The following CABCOCO1 variants were observed in gnomAD, a reference collection of about 807,000 sequenced individuals.
CABCOCO1 encodes ciliary associated calcium binding coiled-coil 1.
In CABCOCO1, 28 loss-of-function variants were observed where a neutral mutation model predicts 35.7. The ratio of observed to expected loss-of-function variants is 0.78; its 90% CI spans 0.58 to 1.07. The LOEUF (loss-of-function observed/expected upper bound fraction) is 1.07. CABCOCO1 is among the 50% of genes least tolerant of loss of function. CABCOCO1 has a pLI of 0.00. For missense variants in CABCOCO1, 326 were observed against 309.2 expected, an observed-to-expected ratio of 1.05 and a Z score of -0.41; for synonymous variants, 95 against 100.1, an observed-to-expected ratio of 0.95 and a Z score of 0.30.
chr10:61,760,740 T>C, intron 6 of CABCOCO1, 123 bp from the exon 7 acceptor site: 1 of 1,116,794 alleles, frequency 9.0e-7, no homozygotes, highest in Non-Finnish European at 1.2e-6. Flanking sequence ...CTACACACTT[T>C]GCACTTGTAT....
intron 5 of CABCOCO1, among the ~76,000 whole-genome samples, chr10:61,759,790 A>G (rs989767214): frequency 6.6e-6 from 1 of 152,050 alleles, no homozygotes; most frequent in Non-Finnish European, 1.5e-5. Context: ...GAAGCACAAA[A>G]CAGTTAAGAA....
intron 5 of CABCOCO1, chr10:61,701,770 ATGT>A: frequency 1.0e-6 from 1 of 985,038 alleles, no homozygotes; most frequent in Non-Finnish European, 1.2e-6. Flanking sequence ...TCAAATCAAA[ATGT>A]TGTCAAAGGA....
intron 5 of CABCOCO1, among the ~76,000 whole-genome samples, chr10:61,719,602 A>G (rs537224046): frequency 1.3e-5 from 2 of 152,144 alleles, no homozygotes; most frequent in African/African-American, 2.4e-5. Flanking sequence ...GCATCTTGTT[A>G]TGTTTGACCT....
chr10:61,693,484 G>GA (rs1313839643), intron 5 of CABCOCO1, among the ~76,000 whole-genome samples: 1 of 151,858 alleles, frequency 6.6e-6, no homozygotes, highest in Non-Finnish European at 1.5e-5. Context: ...GGATAGATGA[G>GA]AAAAAAACAT....
rs562271927 is a variant in CABCOCO1 at position 61,762,660 on chromosome 10, T to C, written c.816+1657T>C. On this transcript the variant is annotated intron_variant, in intron 7 of 7. Transcript: ENST00000648843. The stretch of plus-strand genomic sequence containing the variant: ...ACTCCATGTGAGTTAGGCAGGCACT[T>C]CCCCTGATAAATTGAAAAATGGGAC... Among the ~76,000 whole-genome samples, 4 of 152,198 alleles carry C rather than the reference T, an allele frequency of 2.6e-5. No individual in the cohort carries two copies. The South Asian group carries it at 8.3e-4, about 32-fold the overall frequency.
At chr10:61,737,496 C>T (rs1421831797) in intron 5 of CABCOCO1, among the ~76,000 whole-genome samples, 6 of 152,150 alleles carry the variant, frequency 3.9e-5, no homozygotes, top group Non-Finnish European at 7.3e-5. Flanking sequence ...CATAAAGACA[C>T]ATTCACGCGA....
At chr10:61,761,992 G>A (rs752457281) in intron 7 of CABCOCO1, among the ~76,000 whole-genome samples, 13 of 152,092 alleles carry the variant, frequency 8.5e-5, no homozygotes, top group Non-Finnish European at 1.0e-4. Flanking sequence ...GGAAGAACAC[G>A]TTTTACACAA....
chr10:61,664,815 G>A (rs934782352), intron 1 of CABCOCO1, among the ~76,000 whole-genome samples: 7 of 152,118 alleles, frequency 4.6e-5, no homozygotes, highest in Non-Finnish European at 4.4e-5. Flanking sequence ...ACCCATTTGT[G>A]CTGATTGGGG....
intron 5 of CABCOCO1, among the ~76,000 whole-genome samples, chr10:61,704,987 C>T (rs1314473584): frequency 6.6e-6 from 1 of 151,832 alleles, no homozygotes; most frequent in African/African-American, 2.4e-5. Context: ...ATAATAGGTG[C>T]TTAATAAATA....
intron 7 of CABCOCO1, among the ~76,000 whole-genome samples, chr10:61,763,186 CA>C (rs552221982): frequency 2.0e-5 from 3 of 150,572 alleles, no homozygotes; most frequent in South Asian, 4.2e-4. Flanking sequence ...ACAATTTTTG[CA>C]AAAAAAAGGC....
At chr10:61,743,139 AC>A (rs1405413965) in intron 5 of CABCOCO1, among the ~76,000 whole-genome samples, 1 of 152,194 alleles carries the variant, frequency 6.6e-6, no homozygotes, top group Non-Finnish European at 1.5e-5. Context: ...GTTACAAGCA[AC>A]CCTTTAATTA....
chr10:61,709,046 G>C (rs1840663064), intron 5 of CABCOCO1, among the ~76,000 whole-genome samples: 1 of 151,908 alleles, frequency 6.6e-6, no homozygotes, highest in Non-Finnish European at 1.5e-5. Flanking sequence ...TGCCTTTTAT[G>C]GTTAAAATGC....
intron 5 of CABCOCO1, among the ~76,000 whole-genome samples, chr10:61,744,560 G>A (rs927354228): frequency 6.6e-5 from 10 of 152,118 alleles, no homozygotes; most frequent in South Asian, 2.1e-4. Context: ...CATTAAACTT[G>A]TTTGAGCCAG....
At chr10:61,763,593 A>G (rs1009335138) in intron 7 of CABCOCO1, among the ~76,000 whole-genome samples, 6 of 152,184 alleles carry the variant, frequency 3.9e-5, no homozygotes, top group Non-Finnish European at 7.4e-5. Flanking sequence ...CTAACACTAA[A>G]TTCTTACATT....
chr10:61,678,219 A>T (rs1839584447), intron 2 of CABCOCO1, among the ~76,000 whole-genome samples: 1 of 152,100 alleles, frequency 6.6e-6, no homozygotes, highest in Non-Finnish European at 1.5e-5. Flanking sequence ...CTGTTTCTGG[A>T]CTTTCTGCGT....
At chr10:61,672,064 T>A (rs1295844138) in intron 1 of CABCOCO1, among the ~76,000 whole-genome samples, 3 of 152,216 alleles carry the variant, frequency 2.0e-5, no homozygotes, top group African/African-American at 7.2e-5. Context: ...ACAGAACTCC[T>A]TCCTAATTAT....
intron 5 of CABCOCO1, among the ~76,000 whole-genome samples, chr10:61,721,472 A>T (rs1348031467): frequency 6.6e-6 from 1 of 152,166 alleles, no homozygotes; most frequent in African/African-American, 2.4e-5. Context: ...GAGTAATTTT[A>T]TAGCAGCAAA....
Position 61,766,039 on chromosome 10 carries a change from T to C in CABCOCO1, c.*26T>C, listed in dbSNP as rs777795644. ...GGACTTGGTACAAGGAGAGTGATGCTAAACTTCACAGAAACAAACAAAACC... is the reference window on the plus strand; with the variant it reads ...GGACTTGGTACAAGGAGAGTGATGCCAAACTTCACAGAAACAAACAAAACC... On this transcript the variant is annotated 3_prime_UTR_variant, in exon 8 of 8. Coordinates refer to ENST00000648843, the MANE Select transcript of CABCOCO1 (RefSeq NM_001366906.2). The C allele has an allele frequency of 4.4e-6, 7 of 1,587,776 alleles. No homozygotes were observed. The highest frequency in any genetic ancestry group is 6.0e-6 in the Non-Finnish European group (7 of 1,159,000).
chr10:61,686,374 A>G (rs1238668542), intron 4 of CABCOCO1, among the ~76,000 whole-genome samples, 189 bp downstream of exon 4: 11 of 152,212 alleles, frequency 7.2e-5, no homozygotes. Flanking sequence ...CCTAATAACT[A>G]AAAGTCAGAA....
Sources: allele counts gnomAD v4.1 joint callset (sites outside exome capture counted in the v4.1 genomes callset), GRCh38; gene constraint gnomAD v4.1.1; transcripts MANE v1.5; gene names NCBI Gene and HGNC (gene_info 2026-07-23, HGNC 2026-07-21).